ESRRG: variants seen among roughly 807,000 people sequenced by gnomAD.
ESRRG encodes the protein estrogen related receptor gamma.
Under a neutral mutation model 44.0 loss-of-function variants are expected in ESRRG, and 13 were observed. That is an observed-to-expected ratio of 0.30 (90% CI 0.19 to 0.47). The LOEUF (loss-of-function observed/expected upper bound fraction) is 0.47, where lower values mean the gene tolerates loss of function less well. ESRRG is among the 20% of genes least tolerant of loss of function. ESRRG has a pLI of 1.00. For missense variants in ESRRG, 395 were observed against 580.6 expected (o/e 0.68, Z 3.29); for synonymous variants, 215 against 214.6 (o/e 1.00, Z -0.02).
At position 216,564,374 on chromosome 1, in the gene ESRRG, T is replaced by C; in HGVS notation, c.707A>G (p.Lys236Arg). The C allele has an allele frequency of 6.2e-7, 1 of 1,609,148 alleles. No homozygotes were observed. The highest frequency in any genetic ancestry group is 2.2e-5 in the East Asian group (1 of 44,652). The part of the protein sequence containing the change: ...LVQPAKKPYN[K>R]IVSHLLVAEP... The stretch of plus-strand genomic sequence containing the variant: ...AGCCACCAACAAATGTGAGACAATC[T>C]TGTTATCTGCAGGATCAGACCAGAG... The change falls in exon 5 of 7, where the codon AAG becomes AGG. Residue 236 changes from lysine (K) to arginine (R), a missense_variant. Coordinates refer to ENST00000408911, the MANE Select transcript of ESRRG (RefSeq NM_001438.4).
At chr1:216,700,587 A>T (rs2081211555) in intron 1 of ESRRG, among the ~76,000 whole-genome samples, 1 of 152,150 alleles carries the variant, frequency 6.6e-6, no homozygotes. Flanking sequence ...AAGGCCTCCT[A>T]ACATCAGAGC....
intron 1 of ESRRG, among the ~76,000 whole-genome samples, chr1:217,010,279 G>A (rs556625456): frequency 6.8e-4 from 104 of 152,244 alleles, no homozygotes; most frequent in Non-Finnish European, 1.3e-4. Context: ...TGGCAAAAGA[G>A]AGCCAATTTC....
intron 1 of ESRRG, among the ~76,000 whole-genome samples, chr1:217,027,541 G>A (rs2377360): frequency 0.65 from 98,477 of 151,928 alleles, 33,594 homozygotes; most frequent in East Asian, 0.82. Context: ...TATGTTGTCT[G>A]GAAATGGAGA....
chr1:216,689,470 T>G (rs551784499), intron 1 of ESRRG, among the ~76,000 whole-genome samples: 1 of 152,304 alleles, frequency 6.6e-6, no homozygotes, highest in South Asian at 2.1e-4. Context: ...ACAGGCCTGA[T>G]TATCATCCAT....
intron 1 of ESRRG, among the ~76,000 whole-genome samples, chr1:216,982,243 T>C (rs913779274): frequency 1.3e-5 from 2 of 152,198 alleles, no homozygotes; most frequent in African/African-American, 4.8e-5. Context: ...TCAGATACCA[T>C]AGTACAGCCT....
At chr1:216,919,011 A>G (rs2061512678) in intron 2 of ESRRG, among the ~76,000 whole-genome samples, 1 of 152,040 alleles carries the variant, frequency 6.6e-6, no homozygotes, top group Admixed American at 6.6e-5. Context: ...AAAAAATATT[A>G]ATGATAATAC....
intron 2 of ESRRG, among the ~76,000 whole-genome samples, chr1:216,883,862 G>GC (rs72509592): frequency 0.64 from 97,351 of 151,928 alleles, 31,388 homozygotes; most frequent in Middle Eastern, 0.7. Flanking sequence ...TTCAAATCTG[G>GC]AAGCAAGATA....
intron 1 of ESRRG, among the ~76,000 whole-genome samples, chr1:216,684,199 T>A (rs527237771): frequency 6.6e-6 from 1 of 152,316 alleles, no homozygotes; most frequent in African/African-American, 2.4e-5. Context: ...ATCCAGACTA[T>A]TTTAGATGTA....
At chr1:216,682,236 T>C (rs2077152729) in intron 1 of ESRRG, among the ~76,000 whole-genome samples, 1 of 152,230 alleles carries the variant, frequency 6.6e-6, no homozygotes, top group Non-Finnish European at 1.5e-5. Context: ...ACAGATCATC[T>C]TAGATCTTCT....
intron 2 of ESRRG, among the ~76,000 whole-genome samples, chr1:216,894,450 G>C (rs2149429801): frequency 6.6e-6 from 1 of 152,136 alleles, no homozygotes; most frequent in South Asian, 2.1e-4. Flanking sequence ...TAGCTGGAGT[G>C]AATCATCTAT....
chr1:216,622,868 T>C (rs995225178), intron 3 of ESRRG, among the ~76,000 whole-genome samples: 1 of 152,056 alleles, frequency 6.6e-6, no homozygotes, highest in African/African-American at 2.4e-5. Flanking sequence ...CTCTCTATTT[T>C]TAGATGGGAT....
At chr1:216,992,713 C>T (rs1163990908) in intron 1 of ESRRG, among the ~76,000 whole-genome samples, 1 of 152,078 alleles carries the variant, frequency 6.6e-6, no homozygotes, top group African/African-American at 2.4e-5. Context: ...TGAAGCAAAC[C>T]AAACTCCCTA....
At chr1:216,849,106 T>C (rs867936550) in intron 2 of ESRRG, among the ~76,000 whole-genome samples, 1 of 152,204 alleles carries the variant, frequency 6.6e-6, no homozygotes, top group African/African-American at 2.4e-5. Context: ...ATACATATTT[T>C]AGAATTTTTG....
intron 1 of ESRRG, among the ~76,000 whole-genome samples, chr1:217,037,123 T>A (rs1173609004): frequency 2.0e-5 from 3 of 152,208 alleles, no homozygotes; most frequent in African/African-American, 7.2e-5. Flanking sequence ...TCAGTTTTCC[T>A]TTTTACCCCT....
At chr1:216,914,327 T>A (rs574747306) in intron 2 of ESRRG, among the ~76,000 whole-genome samples, 1 of 152,326 alleles carries the variant, frequency 6.6e-6, no homozygotes, top group African/African-American at 2.4e-5. Context: ...TTGACTCTAG[T>A]GTAGTATCGC....
chr1:217,111,032 T>C (rs902388945), intron 1 of ESRRG, among the ~76,000 whole-genome samples: 17 of 152,208 alleles, frequency 1.1e-4, no homozygotes, highest in African/African-American at 4.1e-4. Flanking sequence ...TTAGTGAGTG[T>C]TCCAGAAGAG....
intron 2 of ESRRG, among the ~76,000 whole-genome samples, chr1:216,860,218 C>T (rs1443803604): frequency 4.6e-5 from 7 of 152,116 alleles, no homozygotes; most frequent in Admixed American, 1.3e-4. Context: ...GAGGCAAGAT[C>T]GTGCCACTGT....
chr1:216,512,780 T>G (rs1330803340), intron 6 of ESRRG, among the ~76,000 whole-genome samples: 1 of 152,154 alleles, frequency 6.6e-6, no homozygotes, highest in Admixed American at 6.5e-5. Context: ...TTTGTAGATG[T>G]GATTAAGTTA....
chr1:216,510,458 T>C (rs550409324), intron 6 of ESRRG, among the ~76,000 whole-genome samples: 3 of 152,308 alleles, frequency 2.0e-5, no homozygotes, highest in African/African-American at 4.8e-5. Context: ...TTCAGATCAT[T>C]TACTTTGGGA....
Sources: allele counts gnomAD v4.1 joint callset (sites outside exome capture counted in the v4.1 genomes callset), GRCh38; gene constraint gnomAD v4.1.1; transcripts MANE v1.5; gene names NCBI Gene and HGNC (gene_info 2026-07-23, HGNC 2026-07-21).